The following PRMT3 variants were observed in gnomAD, a reference collection of about 807,000 sequenced individuals.
PRMT3 encodes the protein protein arginine N-methyltransferase 3.
Under a neutral mutation model 71.9 loss-of-function variants are expected in PRMT3, and 62 were observed. The observed-to-expected ratio is 0.86, with a 90% CI of 0.70 to 1.07. The LOEUF is 1.07. Ranked by LOEUF, PRMT3 falls within the 50% of genes least tolerant of loss-of-function variation. PRMT3 has a pLI of 0.00. For missense variants in PRMT3, 663 were observed against 643.0 expected (o/e 1.03, Z -0.34); for synonymous variants, 213 against 220.4 (o/e 0.97, Z 0.30).
chr11:20,492,662 T>C (rs992718712), intron 13 of PRMT3, among the ~76,000 whole-genome samples: 10 of 152,230 alleles, frequency 6.6e-5, no homozygotes, highest in Non-Finnish European at 1.2e-4. Flanking sequence ...AAAAAGTGAT[T>C]AAGTCCAGCT....
intron 15 of PRMT3, among the ~76,000 whole-genome samples, chr11:20,497,405 T>C (rs1280130887): frequency 6.6e-6 from 1 of 152,188 alleles, no homozygotes; most frequent in Non-Finnish European, 1.5e-5. Flanking sequence ...TATCACAAAA[T>C]ATTAGAATCC....
chr11:20,417,124 C>T (rs1849323425), intron 9 of PRMT3, among the ~76,000 whole-genome samples: 1 of 152,138 alleles, frequency 6.6e-6, no homozygotes, highest in South Asian at 2.1e-4. Context: ...GGTCTTTCTT[C>T]ACAGGTTTAC....
chr11:20,398,460 T>C lies in PRMT3; in HGVS notation c.705+739T>C, dbSNP rs1590033291. 3.3e-5 allele frequency among the ~76,000 whole-genome samples: 5 copies of C among 152,232 alleles called. 1 individual carries two copies. The South Asian group carries it at 8.3e-4, about 25-fold the overall frequency. On this transcript the variant is annotated intron_variant, in intron 7 of 15. Transcript: ENST00000331079. ...TGAGACTATAATGCCATATTTTTTT[T>C]TGTTGTTGTTGAGATGGAGTCTCGC...
chr11:20,423,886 A>AAAAAAAAAG, intron 9 of PRMT3, among the ~76,000 whole-genome samples: 1 of 137,526 alleles, frequency 7.3e-6, no homozygotes, highest in African/African-American at 2.8e-5. Flanking sequence ...AAAAAAAAAA[A>AAAAAAAAAG]AAAAAAAAAA....
intron 10 of PRMT3, among the ~76,000 whole-genome samples, chr11:20,433,995 C>G (rs1269729837): frequency 6.6e-6 from 1 of 152,156 alleles, no homozygotes; most frequent in Non-Finnish European, 1.5e-5. Flanking sequence ...GACACTCAGA[C>G]AGTGTTTAAG....
chr11:20,485,124 A>T (rs765940042), intron 13 of PRMT3, among the ~76,000 whole-genome samples: 11 of 152,084 alleles, frequency 7.2e-5, no homozygotes, highest in Non-Finnish European at 1.5e-4. Flanking sequence ...GTAAATGAAC[A>T]CTTGCATGGA....
At chr11:20,464,594 G>C in intron 13 of PRMT3, 48 bp downstream of exon 13, 1 of 1,601,500 alleles carries the variant, frequency 6.2e-7, no homozygotes, top group South Asian at 1.1e-5. Context: ...CAGTGCAGTT[G>C]ATTGGCAGGC....
rs533707429 is a variant in PRMT3, at chr11:20,483,252, G to A, written c.1348-10667G>A. Among the ~76,000 whole-genome samples the A allele has an allele frequency of 4.6e-5, 7 of 152,010 alleles. No individual in the cohort carries two copies. The South Asian group carries it at 1.2e-3, about 27-fold the overall frequency. ...CATAAAACTAATTTTTTTATGCTGC[G>A]TTGATTTGTAAATTCAGTGTATCTG... On this transcript the variant is annotated intron_variant, in intron 13 of 15. Transcript: ENST00000331079.
intron 9 of PRMT3, among the ~76,000 whole-genome samples, chr11:20,412,460 A>G (rs1335469206): frequency 6.6e-6 from 1 of 152,038 alleles, no homozygotes; most frequent in Non-Finnish European, 1.5e-5. Flanking sequence ...TGAAATTTTC[A>G]GCCATACATG....
intron 9 of PRMT3, among the ~76,000 whole-genome samples, chr11:20,412,293 G>C (rs78692402): frequency 0.017 from 2,556 of 152,092 alleles, 89 homozygotes; most frequent in African/African-American, 0.059. Flanking sequence ...CTAGAGTCAT[G>C]GTCATCAGAG....
At chr11:20,432,253 T>TA (rs1467925644) in intron 10 of PRMT3, among the ~76,000 whole-genome samples, 2 of 152,148 alleles carry the variant, frequency 1.3e-5, no homozygotes, top group Non-Finnish European at 2.9e-5. Context: ...AAATATTTGT[T>TA]AATTTTTATT....
At chr11:20,456,767 G>A (rs973637764) in intron 11 of PRMT3, among the ~76,000 whole-genome samples, 1 of 152,104 alleles carries the variant, frequency 6.6e-6, no homozygotes, top group African/African-American at 2.4e-5. Context: ...TGGATTGAAT[G>A]AATTTATCAA....
At chr11:20,441,262 TTTTTATTTA>T (rs1849890114) in intron 10 of PRMT3, among the ~76,000 whole-genome samples, 3 of 128,032 alleles carry the variant, frequency 2.3e-5, no homozygotes, top group South Asian at 2.7e-4. Context: ...TGTTACTAAC[TTTTTATTTA>T]TTTATTTATT....
chr11:20,489,081 C>T (rs920169528), intron 13 of PRMT3, among the ~76,000 whole-genome samples: 1 of 152,154 alleles, frequency 6.6e-6, no homozygotes, highest in African/African-American at 2.4e-5. Context: ...ATCAAGCTAT[C>T]CCAGAAATTC....
chr11:20,396,268 C>G (rs1273775681), intron 6 of PRMT3, among the ~76,000 whole-genome samples: 6 of 152,042 alleles, frequency 3.9e-5, no homozygotes, highest in Admixed American at 3.9e-4. Context: ...CTTTTTCTAT[C>G]CTAGTTTTTT....
At chr11:20,466,217 G>A (rs1850508386) in intron 13 of PRMT3, among the ~76,000 whole-genome samples, 3 of 152,146 alleles carry the variant, frequency 2.0e-5, no homozygotes, top group Non-Finnish European at 2.9e-5. Context: ...ATTTGTTAGA[G>A]GGAATACAAT....
At chr11:20,458,396 C>T (rs1850314171) in intron 11 of PRMT3, among the ~76,000 whole-genome samples, 1 of 152,122 alleles carries the variant, frequency 6.6e-6, no homozygotes, top group South Asian at 2.1e-4. Flanking sequence ...ACCATGTGAG[C>T]CATTCTAGTG....
At chr11:20,458,042 TTATATA>T in intron 11 of PRMT3, among the ~76,000 whole-genome samples, 1 of 152,336 alleles carries the variant, frequency 6.6e-6, no homozygotes, top group East Asian at 1.9e-4. Flanking sequence ...GATACCTTTA[TTATATA>T]AACTAGAAAT....
chr11:20,464,379 G>C, intron 12 of PRMT3, 81 bp from the exon 13 acceptor site: 4 of 1,470,652 alleles, frequency 2.7e-6, no homozygotes, highest in Non-Finnish European at 3.6e-6. Context: ...TGTTTGTCTG[G>C]GTTGTTTTTG....
Sources: allele counts gnomAD v4.1 joint callset (sites outside exome capture counted in the v4.1 genomes callset), GRCh38; gene constraint gnomAD v4.1.1; transcripts MANE v1.5; gene names NCBI Gene and HGNC (gene_info 2026-07-23, HGNC 2026-07-21).